Variants in CREB3L1 observed in about 807,000 individuals in gnomAD.
CREB3L1 encodes cyclic AMP-responsive element-binding protein 3-like protein 1.
CREB3L1 carries 33 observed loss-of-function variants against 54.5 expected under a neutral mutation model. The ratio of observed to expected loss-of-function variants is 0.61; its 90% CI spans 0.46 to 0.81. The LOEUF (loss-of-function observed/expected upper bound fraction) is 0.81. CREB3L1 is among the 30% of genes least tolerant of loss of function. The pLI, the probability that CREB3L1 is intolerant of heterozygous loss-of-function variation, is 0.00. For synonymous variants in CREB3L1, 284 were observed against 286.4 expected (o/e 0.99, Z 0.08); for missense variants, 656 against 673.3 (o/e 0.97, Z 0.29).
rs1326606490 is a variant in CREB3L1 at position 46,278,438 on chromosome 11, G to A, written c.102+225G>A. Among the ~76,000 whole-genome samples, 1 of 152,230 alleles carries A rather than the reference G, an allele frequency of 6.6e-6. No homozygotes were observed. Among genetic ancestry groups the A allele is most frequent in the African/African-American group, 2.4e-5 (1 of 41,466 alleles). On this transcript the variant is annotated intron_variant, in intron 1 of 11. Transcript: ENST00000621158. The surrounding 1 kb of genome is among the most constrained non-coding windows in gnomAD (Gnocchi z 4.2). ...CTTCTAGGGGGAAGGGGCCATCGAG[G>A]TATCGGGTCCGTCCGATCCTCGGAT...
chr11:46,320,793 G>A lies in CREB3L1; in HGVS notation c.*47G>A, dbSNP rs1368140946. 2 of 1,596,446 alleles carry A rather than the reference G, an allele frequency of 1.3e-6. No homozygotes were observed. The highest frequency in any genetic ancestry group is 1.7e-6 in the Non-Finnish European group (2 of 1,169,844). On this transcript the variant is annotated 3_prime_UTR_variant, in exon 12 of 12. Transcript: ENST00000621158. ...TAGGACGGACCCCTGGTACCCAGAA[G>A]AGGAGTTCTTGCTCACTAACCCGGA...
chr11:46,308,515 C>T (rs1045466471), intron 3 of CREB3L1, among the ~76,000 whole-genome samples: 1 of 152,224 alleles, frequency 6.6e-6, no homozygotes, highest in African/African-American at 2.4e-5. Flanking sequence ...ACCCAAGACC[C>T]CTCTGGGAAT....
At chr11:46,291,500 C>CGT (rs1269354457) in intron 1 of CREB3L1, among the ~76,000 whole-genome samples, 1 of 152,178 alleles carries the variant, frequency 6.6e-6, no homozygotes, top group Non-Finnish European at 1.5e-5. Context: ...GAACCAGGTC[C>CGT]GTCTGACTCC....
chr11:46,303,988 A>G (rs1939338560), intron 2 of CREB3L1, among the ~76,000 whole-genome samples: 1 of 152,208 alleles, frequency 6.6e-6, no homozygotes, highest in Non-Finnish European at 1.5e-5. Flanking sequence ...CCTAGGCGAC[A>G]GAGCAAGACC....
chr11:46,317,249 G>T, intron 9 of CREB3L1, 112 bp from the exon 10 acceptor site: 1 of 1,412,180 alleles, frequency 7.1e-7, no homozygotes. Context: ...CTGCTTCCTT[G>T]GGAAAACGCT....
chr11:46,320,296 G>A lies in CREB3L1; in HGVS notation c.1291G>A (p.Gly431Arg), dbSNP rs776377914. 1.9e-5 allele frequency: 30 copies of A among 1,611,526 alleles called. No homozygotes were observed. Among genetic ancestry groups the A allele is most frequent in the Non-Finnish European group, 2.5e-5 (29 of 1,178,872 alleles). The change falls in exon 11 of 12, where the codon GGG becomes AGG. Residue 431 changes from glycine to arginine, a missense_variant. Physicochemically the swap from Gly to Arg is moderately radical, Grantham distance 125. Around this residue, in one of 3 missense-constraint regions of CREB3L1, gnomAD observed 240 missense variants for 219.8 expected, o/e 1.09. Coordinates refer to ENST00000621158, the MANE Select transcript of CREB3L1 (RefSeq NM_052854.4). ...CCGAAGCCTCCTATTCTACGATGAC[G>A]GGGCAGGCTTATGGGAAGATGGCCG... is the stretch of plus-strand genomic sequence containing the variant. Reference protein sequence around the residue: ...PSRSLLFYDDGAGLWEDGRST... With the variant: ...PSRSLLFYDDRAGLWEDGRST...
intron 2 of CREB3L1, among the ~76,000 whole-genome samples, chr11:46,302,168 A>AAATAACAAT (rs369077655): frequency 7.4e-6 from 1 of 135,628 alleles, no homozygotes; most frequent in East Asian, 2.2e-4. Context: ...GCTCCGTCTC[A>AAATAACAAT]AATAATAATA....
chr11:46,320,429 C>T lies in CREB3L1; in HGVS notation c.1424C>T (p.Thr475Ile). ...CTGCAGCATGATCACCTGGACAGCA[C>T]CCACGAGACCACCAAGTACCTGAGT... is the stretch of plus-strand genomic sequence containing the variant. The part of the protein sequence containing the change: ...DHLQHDHLDS[T>I]HETTKYLSEA... The change falls in exon 11 of 12, where the codon ACC (threonine) becomes ATC (isoleucine). Residue 475 changes from threonine (T) to isoleucine (I), a missense_variant. This residue lies in a region of CREB3L1 where 240 missense variants were observed against 219.8 expected (regional missense o/e 1.09). Transcript: ENST00000621158. 1.2e-6 allele frequency: 2 copies of T among 1,610,962 alleles called. No homozygotes were observed. Among genetic ancestry groups the T allele is most frequent in the Non-Finnish European group, 1.7e-6 (2 of 1,178,694 alleles).
chr11:46,296,869 C>T (rs954992876), intron 1 of CREB3L1, among the ~76,000 whole-genome samples: 1 of 152,144 alleles, frequency 6.6e-6, no homozygotes, highest in Non-Finnish European at 1.5e-5. Context: ...CACAATGGGG[C>T]CAGCTGAGCT....
At chr11:46,315,369 T>G (rs1444927471) in intron 8 of CREB3L1, 1 of 216,356 alleles carries the variant, frequency 4.6e-6, no homozygotes, top group Admixed American at 5.8e-5. Context: ...TGGAGAGAGA[T>G]TAAACATTTG....
Position 46,278,005 on chromosome 11 carries a change from T to C in CREB3L1, c.-107T>C. The C allele has an allele frequency of 1.3e-5, 4 of 301,590 alleles. No homozygotes were observed. Among genetic ancestry groups the C allele is most frequent in the Admixed American group, 5.8e-5 (1 of 17,264 alleles). The allele number at this position is 301,590 out of a possible 1,614,324, so 18.7% of individuals were successfully genotyped here. On this transcript the variant is annotated 5_prime_UTR_variant, in exon 1 of 12. Transcript: ENST00000621158. This position sits in a 1 kb window ranked among gnomAD's most constrained non-coding sequence, Gnocchi z 4.2. ...CTCCCCCGGGGCTTCGCCCCGGACCTGCCCCCCGCCCGTTTGCCAGCGCTC... is the reference window on the plus strand; with the variant it reads ...CTCCCCCGGGGCTTCGCCCCGGACCCGCCCCCCGCCCGTTTGCCAGCGCTC...
intron 1 of CREB3L1, among the ~76,000 whole-genome samples, chr11:46,298,862 A>G (rs1479874081): frequency 6.6e-6 from 1 of 152,222 alleles, no homozygotes; most frequent in Non-Finnish European, 1.5e-5. Flanking sequence ...AGGGACTGTT[A>G]TAAGGCCTGT....
Position 46,311,072 on chromosome 11 carries a change from T to C in CREB3L1, c.636T>C (p.His212=). ...TGCCTCCGACGCCCCCCAGCAGCCA[T>C]GGCAGTGACAGCGACGGCTCCCAGA... ...VQMPPTPPSS[H]GSDSDGSQSP... is the part of the protein sequence containing the mutation. The change falls in exon 5 of 12, where the codon CAT becomes CAC. Residue 212 remains histidine (H), a synonymous_variant. Coordinates refer to ENST00000621158, the MANE Select transcript of CREB3L1 (RefSeq NM_052854.4). The C allele has an allele frequency of 6.2e-7, 1 of 1,610,366 alleles. No individual in the cohort carries two copies. Among genetic ancestry groups the C allele is most frequent in the Non-Finnish European group, 8.5e-7 (1 of 1,178,738 alleles).
chr11:46,280,239 G>A (rs1248299876), intron 1 of CREB3L1, among the ~76,000 whole-genome samples: 3 of 150,654 alleles, frequency 2.0e-5, no homozygotes, highest in African/African-American at 7.4e-5. Context: ...CCAGGCTGGA[G>A]TGCAGTGGCG....
chr11:46,317,068 TC>T (rs1939577240), intron 9 of CREB3L1, among the ~76,000 whole-genome samples: 1 of 152,178 alleles, frequency 6.6e-6, no homozygotes, highest in Non-Finnish European at 1.5e-5. Context: ...TTCCTTCCTT[TC>T]CTGATTCCTC....
intron 8 of CREB3L1, among the ~76,000 whole-genome samples, chr11:46,314,390 T>C (rs1939535250): frequency 6.6e-6 from 1 of 152,172 alleles, no homozygotes; most frequent in African/African-American, 2.4e-5. Context: ...ATTATTTTTA[T>C]TTATTTATTT....
At chr11:46,294,609 G>C (rs756543191) in intron 1 of CREB3L1, among the ~76,000 whole-genome samples, 1 of 152,124 alleles carries the variant, frequency 6.6e-6, no homozygotes, top group Admixed American at 6.5e-5. Context: ...TTAGCTCTGG[G>C]AAGGCAAGGC....
chr11:46,305,704 G>A (rs201215250), intron 2 of CREB3L1, among the ~76,000 whole-genome samples: 3,120 of 75,668 alleles, frequency 0.041, 132 homozygotes, highest in African/African-American at 0.23. Flanking sequence ...GTGTGTGTGT[G>A]TGTGTGTGTG....
At chr11:46,315,210 T>A in intron 8 of CREB3L1, 1 of 304,550 alleles carries the variant, frequency 3.3e-6, no homozygotes, top group South Asian at 3.5e-5. Context: ...GTTCCCTGAT[T>A]GGCCTGGAGA....
Sources: allele counts gnomAD v4.1 joint callset (sites outside exome capture counted in the v4.1 genomes callset), GRCh38; gene constraint gnomAD v4.1.1; regional missense constraint gnomAD v4.1.1; non-coding constraint Gnocchi (gnomAD v3.1); transcripts MANE v1.5; gene names NCBI Gene and HGNC (gene_info 2026-07-23, HGNC 2026-07-21).